The following BABAM2 variants were observed in gnomAD, a reference collection of about 807,000 sequenced individuals.
The protein encoded by BABAM2 is BRISC and BRCA1-A complex member 2.
A neutral mutation model predicts 54.7 loss-of-function variants in BABAM2; 31 were observed. That is an observed-to-expected ratio of 0.57 (90% CI 0.43 to 0.77). The LOEUF is 0.77. BABAM2 is among the 30% of genes least tolerant of loss of function. BABAM2 has a pLI of 0.00. For synonymous variants in BABAM2, 167 were observed against 162.9 expected (o/e 1.03, Z -0.19); for missense variants, 364 against 455.8 (o/e 0.80, Z 1.83).
chr2:28,198,663 A>G (rs1677904384), intron 7 of BABAM2, among the ~76,000 whole-genome samples: 1 of 152,110 alleles, frequency 6.6e-6, no homozygotes, highest in African/African-American at 2.4e-5. Flanking sequence ...GGGAAGCCTG[A>G]GCCTGGGCCT....
intron 10 of BABAM2, among the ~76,000 whole-genome samples, chr2:28,285,210 G>GT (rs1686690765): frequency 6.6e-6 from 1 of 152,148 alleles, no homozygotes; most frequent in African/African-American, 2.4e-5. Flanking sequence ...TGAGCTTAAA[G>GT]TTTTTTCCAG....
rs749414268 is a variant in BABAM2, at chr2:28,237,213, G to A, written c.692G>A (p.Gly231Asp). The change falls in exon 8 of 12, where the codon GGC becomes GAC. Residue 231 changes from glycine (G) to aspartate (D), a missense_variant. Transcript: ENST00000379624. Reference sequence around the variant, plus strand: ...TCTTGTCCTTTCAGTGCACTTGGAGGCTCCTCAGCTCTTCATATCCCAGCT... The same window carrying A: ...TCTTGTCCTTTCAGTGCACTTGGAGACTCCTCAGCTCTTCATATCCCAGCT... ...LSPRIEHALG[G>D]SSALHIPAFP... is the part of the protein sequence containing the mutation. 1.2e-6 allele frequency: 2 copies of A among 1,613,530 alleles called. No individual in the cohort carries two copies. The highest frequency in any genetic ancestry group is 8.5e-7 in the Non-Finnish European group (1 of 1,179,684).
At chr2:28,115,182 AACACACACACACACACACAC>A (rs35506654) in intron 6 of BABAM2, among the ~76,000 whole-genome samples, 40 of 142,250 alleles carry the variant, frequency 2.8e-4, no homozygotes, top group African/African-American at 1.0e-3. Flanking sequence ...ATAACTTTAA[AACACACACACACACACACAC>A]ACACACACAC....
intron 5 of BABAM2, among the ~76,000 whole-genome samples, chr2:28,026,959 A>AATATATAAATATATATAAAT (rs1675881602): frequency 1.1e-4 from 1 of 9,296 alleles, no homozygotes; most frequent in Non-Finnish European, 3.8e-4. Context: ...AATATATATA[A>AATATATAAATATATATAAAT]ATATATATAT....
chr2:28,065,978 T>TAAA (rs756592657), intron 6 of BABAM2, among the ~76,000 whole-genome samples: 2 of 91,880 alleles, frequency 2.2e-5, no homozygotes, highest in African/African-American at 4.1e-5. Context: ...CTGTCTCTAC[T>TAAA]AAAAAAAAAA....
Position 28,055,119 on chromosome 2 carries a change from C to T in BABAM2, c.570+9320C>T, listed in dbSNP as rs545814699. 2.6e-5 allele frequency among the ~76,000 whole-genome samples: 4 copies of T among 152,042 alleles called. No homozygotes were observed. In the East Asian group the frequency reaches 5.8e-4, roughly 22 times the overall value. On this transcript the variant is annotated intron_variant, in intron 6 of 11. Coordinates refer to ENST00000379624, the MANE Select transcript of BABAM2 (RefSeq NM_199191.3). The stretch of plus-strand genomic sequence containing the variant: ...GAGATCATGTCTTTTGCAACAACAG[C>T]GATGGAGCTGGAGGTCATTATCCTA...
intron 6 of BABAM2, among the ~76,000 whole-genome samples, chr2:28,129,018 C>T (rs1669810049): frequency 6.6e-6 from 1 of 152,180 alleles, no homozygotes. Context: ...CGCCCCCTAC[C>T]TCCTGAATGT....
chr2:28,035,705 C>G (rs954469457), intron 5 of BABAM2, among the ~76,000 whole-genome samples: 9 of 152,084 alleles, frequency 5.9e-5, no homozygotes, highest in African/African-American at 2.2e-4. Context: ...TTTTGACTTG[C>G]ATGTCAATGG....
chr2:28,316,472 T>C (rs192600380), intron 11 of BABAM2, among the ~76,000 whole-genome samples: 1 of 151,234 alleles, frequency 6.6e-6, no homozygotes, highest in African/African-American at 2.4e-5. Context: ...AAGAATGTCT[T>C]ACCCCAGCCT....
At chr2:28,022,025 C>A (rs1270345527) in intron 4 of BABAM2, among the ~76,000 whole-genome samples, 1 of 152,174 alleles carries the variant, frequency 6.6e-6, no homozygotes, top group Non-Finnish European at 1.5e-5. Flanking sequence ...CTATTCCTCA[C>A]TGTCTTTCTG....
At chr2:28,182,076 G>A (rs1675699874) in intron 7 of BABAM2, among the ~76,000 whole-genome samples, 1 of 152,138 alleles carries the variant, frequency 6.6e-6, no homozygotes, top group Non-Finnish European at 1.5e-5. Context: ...CAAGGAGGTG[G>A]CCATGGAGCC....
intron 11 of BABAM2, among the ~76,000 whole-genome samples, chr2:28,323,437 A>C (rs1053015662): frequency 1.5e-4 from 23 of 152,204 alleles, no homozygotes; most frequent in African/African-American, 5.3e-4. Flanking sequence ...TCCACTTAAG[A>C]AACTGTCTCT....
At chr2:28,020,659 T>G (rs1348043707) in intron 4 of BABAM2, among the ~76,000 whole-genome samples, 1 of 152,156 alleles carries the variant, frequency 6.6e-6, no homozygotes, top group Non-Finnish European at 1.5e-5. Flanking sequence ...ATTGTTTCTG[T>G]GCTATTGTAA....
At chr2:28,235,650 G>T (rs533139360) in intron 7 of BABAM2, among the ~76,000 whole-genome samples, 10 of 151,276 alleles carry the variant, frequency 6.6e-5, no homozygotes, top group African/African-American at 2.2e-4. Flanking sequence ...CTCTTTTTTT[G>T]TTTGTTTGTT....
intron 6 of BABAM2, among the ~76,000 whole-genome samples, chr2:28,118,070 GT>G (rs1453322355): frequency 7.9e-5 from 12 of 152,274 alleles, no homozygotes; most frequent in African/African-American, 2.9e-4. Flanking sequence ...CTGGCACAAG[GT>G]TTTTATCAGC....
intron 7 of BABAM2, among the ~76,000 whole-genome samples, chr2:28,167,523 G>A (rs552566016): frequency 3.3e-5 from 5 of 151,904 alleles, no homozygotes; most frequent in East Asian, 1.9e-4. Context: ...GTGAAACCCC[G>A]TCTCTACCAA....
intron 7 of BABAM2, among the ~76,000 whole-genome samples, chr2:28,204,107 C>G (rs182080133): frequency 6.6e-6 from 1 of 152,128 alleles, no homozygotes; most frequent in East Asian, 1.9e-4. Flanking sequence ...CCTATTTTTA[C>G]ATTTGTTTCT....
At chr2:28,072,631 C>T (rs1441757811) in intron 6 of BABAM2, among the ~76,000 whole-genome samples, 7 of 152,016 alleles carry the variant, frequency 4.6e-5, no homozygotes, top group Admixed American at 2.0e-4. Flanking sequence ...GTGATCCGCC[C>T]GCCTCAGCCT....
chr2:28,045,583 C>A, intron 5 of BABAM2, 142 bp from the exon 6 acceptor site: 1 of 530,882 alleles, frequency 1.9e-6, no homozygotes, highest in Non-Finnish European at 3.2e-6. Context: ...CTTTTCCAAC[C>A]TTCTTTTCTT....
Sources: allele counts gnomAD v4.1 joint callset (sites outside exome capture counted in the v4.1 genomes callset), GRCh38; gene constraint gnomAD v4.1.1; transcripts MANE v1.5; gene names NCBI Gene and HGNC (gene_info 2026-07-23, HGNC 2026-07-21).